Variants in LRRC9 observed in about 807,000 individuals in gnomAD.
The protein encoded by LRRC9 is leucine-rich repeat-containing protein 9.
Under a neutral mutation model 63.2 loss-of-function variants are expected in LRRC9, and 122 were observed. The observed-to-expected ratio is 1.93, with a 90% CI of 1.67 to 2.24. LRRC9 has a LOEUF of 2.24. Among genes scored for constraint, LRRC9 ranks in the 30% most tolerant of loss-of-function variants. The pLI is 0.00. For synonymous variants in LRRC9, 366 were observed against 213.1 expected (o/e 1.72, Z -6.25); for missense variants, 1,071 against 627.7 (o/e 1.71, Z -7.55).
At chr14:59,953,138 T>C (rs562400010) in intron 8 of LRRC9, among the ~76,000 whole-genome samples, 2 of 152,390 alleles carry the variant, frequency 1.3e-5, no homozygotes, top group Non-Finnish European at 2.9e-5. Context: ...TGTGTCTTTA[T>C]AGTAGAATGA....
intron 17 of LRRC9, among the ~76,000 whole-genome samples, chr14:59,988,683 T>C (rs1289794997): frequency 6.6e-6 from 1 of 152,130 alleles, no homozygotes; most frequent in Non-Finnish European, 1.5e-5. Flanking sequence ...ATAATTATAC[T>C]ATAACTATAT....
intron 29 of LRRC9, among the ~76,000 whole-genome samples, chr14:60,039,145 G>A (rs1892711896): frequency 6.6e-6 from 1 of 152,210 alleles, no homozygotes; most frequent in African/African-American, 2.4e-5. Flanking sequence ...GCTTTTTGAT[G>A]TGCTGCTGGA....
chr14:59,961,886 G>C (rs898323800), intron 10 of LRRC9, among the ~76,000 whole-genome samples: 1 of 152,166 alleles, frequency 6.6e-6, no homozygotes, highest in Admixed American at 6.5e-5. Flanking sequence ...CACACAATAG[G>C]AACTGGGTAC....
At chr14:59,931,972 G>T in exon 6 of LRRC9, 1 of 698,830 alleles carries the variant, frequency 1.4e-6, no homozygotes, top group Non-Finnish European at 2.6e-6. Flanking sequence ...TTTAAAGGTC[G>T]ATGTCTTGAC....
chr14:60,063,534 T>C (rs1335478458), exon 32 of LRRC9: 1 of 504,200 alleles, frequency 2.0e-6, no homozygotes, highest in African/African-American at 2.0e-5. Flanking sequence ...ATGAACTTGA[T>C]TTAATATCAC....
chr14:60,051,515 A>T lies in LRRC9; in HGVS notation c.3991-1550A>T, dbSNP rs1893889692. Among the ~76,000 whole-genome samples, 1 of 151,932 alleles carries T rather than the reference A, an allele frequency of 6.6e-6. No homozygotes were observed. The highest frequency in any genetic ancestry group is 1.5e-5 in the Non-Finnish European group (1 of 67,980). ...AAGAACTGCTTCTGGTTTCAGGCAG[A>T]CTCATCCTTCCCCCAGGAACTGCCT... On this transcript the variant is annotated intron_variant, in intron 29 of 31. Coordinates refer to ENST00000445360, the Ensembl canonical transcript of LRRC9. The surrounding 1 kb of genome is among the most constrained non-coding windows in gnomAD (Gnocchi z 4.7).
chr14:60,006,335 A>AT (rs1293832402), intron 21 of LRRC9, 62 bp from the exon 22 acceptor site: 1 of 616,842 alleles, frequency 1.6e-6, no homozygotes, highest in Non-Finnish European at 2.9e-6. Flanking sequence ...CCAGCCACTT[A>AT]TTTTTTAAAT....
intron 26 of LRRC9, among the ~76,000 whole-genome samples, chr14:60,020,003 A>G (rs938935487): frequency 2.6e-5 from 4 of 151,842 alleles, no homozygotes; most frequent in African/African-American, 7.2e-5. Flanking sequence ...AAATTCACCA[A>G]TGTAAGTGTA....
chr14:59,967,116 A>G, exon 12 of LRRC9: 1 of 652,336 alleles, frequency 1.5e-6, no homozygotes. Context: ...AGGATGCTGG[A>G]ATGCCTTTTT....
chr14:59,985,472 T>G (rs1887367112), intron 17 of LRRC9, among the ~76,000 whole-genome samples: 1 of 152,218 alleles, frequency 6.6e-6, no homozygotes, highest in Non-Finnish European at 1.5e-5. Context: ...TTGAACATAT[T>G]CAAATTTATT....
At chr14:60,038,395 T>C (rs1310005998) in intron 29 of LRRC9, among the ~76,000 whole-genome samples, 1 of 152,224 alleles carries the variant, frequency 6.6e-6, no homozygotes, top group Non-Finnish European at 1.5e-5. Flanking sequence ...TTCCTATCCA[T>C]GAGCATGGAA....
At chr14:60,020,989 T>C (rs1042256909) in intron 26 of LRRC9, among the ~76,000 whole-genome samples, 2 of 151,956 alleles carry the variant, frequency 1.3e-5, no homozygotes, top group South Asian at 4.1e-4. Flanking sequence ...TTTCATTATG[T>C]TTATTTTGGG....
In LRRC9 at chr14:60,022,305, G is replaced by A. The variant is rs370238276; in HGVS notation, c.3567-429G>A. ...TTTTCAGATTATTTATTGCTGGTAGGTAGAAAATTCAGTTGATTTTTGTAC... is the reference window on the plus strand; with the variant it reads ...TTTTCAGATTATTTATTGCTGGTAGATAGAAAATTCAGTTGATTTTTGTAC... On this transcript the variant is annotated intron_variant, in intron 26 of 31. Coordinates refer to ENST00000445360, the Ensembl canonical transcript of LRRC9. 5.3e-5 allele frequency among the ~76,000 whole-genome samples: 8 copies of A among 151,822 alleles called. No homozygotes were observed. The East Asian group carries it at 1.5e-3, about 29-fold the overall frequency.
chr14:59,995,877 G>A (rs184230683), intron 17 of LRRC9, among the ~76,000 whole-genome samples: 77 of 152,192 alleles, frequency 5.1e-4, no homozygotes, highest in Non-Finnish European at 1.8e-4. Context: ...GGAGTATCTG[G>A]GACTACAGGT....
intron 8 of LRRC9, 99 bp from the exon 9 acceptor site, chr14:59,959,719 T>C: frequency 2.0e-6 from 1 of 497,136 alleles, no homozygotes; most frequent in Non-Finnish European, 3.6e-6. Flanking sequence ...AATTAGACAT[T>C]TGTTTAATAG....
chr14:59,979,734 G>A (rs1013183985), intron 15 of LRRC9, among the ~76,000 whole-genome samples: 15 of 148,878 alleles, frequency 1.0e-4, no homozygotes, highest in East Asian at 6.0e-4. Flanking sequence ...ACCAAACACC[G>A]CATGTTCTCA....
At chr14:59,924,339 G>T (rs1889025892) in intron 1 of LRRC9, among the ~76,000 whole-genome samples, 2 of 152,172 alleles carry the variant, frequency 1.3e-5, no homozygotes, top group Admixed American at 6.5e-5. Flanking sequence ...ATCTATGTAT[G>T]GGCCTTTGAT....
intron 29 of LRRC9, among the ~76,000 whole-genome samples, chr14:60,034,231 A>G (rs2140340037): frequency 6.6e-6 from 1 of 151,668 alleles, no homozygotes; most frequent in East Asian, 1.9e-4. Context: ...GTTGGCCAGC[A>G]TGGTCTTAAT....
downstream of LRRC9, among the ~76,000 whole-genome samples, chr14:60,065,323 T>G (rs879276559): frequency 3.2e-4 from 48 of 151,834 alleles, 1 homozygote; most frequent in Non-Finnish European, 2.9e-5. Flanking sequence ...AAAAAAAATT[T>G]TTTTTTCATC....
Sources: allele counts gnomAD v4.1 joint callset (sites outside exome capture counted in the v4.1 genomes callset), GRCh38; gene constraint gnomAD v4.1.1; non-coding constraint Gnocchi (gnomAD v3.1); transcripts MANE v1.5; gene names NCBI Gene and HGNC (gene_info 2026-07-23, HGNC 2026-07-21).